ARB2A: variants seen among roughly 807,000 people sequenced by gnomAD.
ARB2A encodes the protein ARB2 cotranscriptional regulator A, also known as cotranscriptional regulator ARB2A.
chr5:94,081,033 A>G, the ARB2A span, among the ~76,000 whole-genome samples: 2 of 152,224 alleles, frequency 1.3e-5, no homozygotes, highest in African/African-American at 2.4e-5. Flanking sequence ...GGCAGATTAT[A>G]TAAGTATACA....
At chr5:93,917,371 AG>A in the ARB2A span, among the ~76,000 whole-genome samples, 1 of 152,200 alleles carries the variant, frequency 6.6e-6, no homozygotes, top group Non-Finnish European at 1.5e-5. Flanking sequence ...TCACATAGCT[AG>A]TAGGAGACAA....
At chr5:93,884,443 G>A in the ARB2A span, among the ~76,000 whole-genome samples, 77 of 151,640 alleles carry the variant, frequency 5.1e-4, no homozygotes, top group Non-Finnish European at 7.8e-4. Context: ...AAAATTACAT[G>A]ACTCATCTGT....
chr5:94,026,522 G>A, the ARB2A span, among the ~76,000 whole-genome samples: 1 of 152,124 alleles, frequency 6.6e-6, no homozygotes, highest in Non-Finnish European at 1.5e-5. Flanking sequence ...CAGAATGGGG[G>A]AATGTGTGCT....
the ARB2A span, among the ~76,000 whole-genome samples, chr5:93,742,165 C>T: frequency 2.0e-5 from 3 of 152,110 alleles, no homozygotes; most frequent in Non-Finnish European, 2.9e-5. Context: ...ACCCCACCCC[C>T]AAACTGCCAG....
chr5:94,073,240 C>A, the ARB2A span, among the ~76,000 whole-genome samples: 1 of 152,032 alleles, frequency 6.6e-6, no homozygotes, highest in Non-Finnish European at 1.5e-5. Flanking sequence ...TATGCATTTG[C>A]CATTTTATTT....
At chr5:93,901,223 T>A in the ARB2A span, among the ~76,000 whole-genome samples, 1 of 152,214 alleles carries the variant, frequency 6.6e-6, no homozygotes, top group African/African-American at 2.4e-5. Context: ...CAAAATTTTT[T>A]AAAATAATGT....
chr5:93,730,672 A>G, the ARB2A span, among the ~76,000 whole-genome samples: 7 of 152,332 alleles, frequency 4.6e-5, no homozygotes, highest in African/African-American at 1.4e-4. Context: ...CTGACTGTTC[A>G]GTACATTAGC....
the ARB2A span, among the ~76,000 whole-genome samples, chr5:93,844,132 C>A: frequency 4.3e-4 from 60 of 140,612 alleles, no homozygotes; most frequent in East Asian, 7.3e-3. Flanking sequence ...AAAAAAAAAA[C>A]AAAAAAAAAA....
the ARB2A span, among the ~76,000 whole-genome samples, chr5:93,655,958 T>C: frequency 3.3e-5 from 5 of 152,216 alleles, no homozygotes; most frequent in Non-Finnish European, 4.4e-5. Flanking sequence ...CACTAGCTTG[T>C]ATCTTGGCTC....
At chr5:93,652,227 A>G in the ARB2A span, among the ~76,000 whole-genome samples, 1 of 152,202 alleles carries the variant, frequency 6.6e-6, no homozygotes, top group African/African-American at 2.4e-5. Context: ...TAAATAAATT[A>G]GTCTTCAATT....
chr5:93,717,928 G>A, the ARB2A span, among the ~76,000 whole-genome samples: 7 of 150,064 alleles, frequency 4.7e-5, no homozygotes, highest in South Asian at 2.1e-4. Flanking sequence ...TCCACCTCCC[G>A]GATTCAAGCG....
chr5:93,754,492 T>C, the ARB2A span, among the ~76,000 whole-genome samples: 31 of 152,182 alleles, frequency 2.0e-4, no homozygotes, highest in Non-Finnish European at 4.1e-4. Flanking sequence ...TGAAAGTACA[T>C]AAGCCTTAGC....
chr5:94,032,123 G>A, the ARB2A span, among the ~76,000 whole-genome samples: 9 of 152,176 alleles, frequency 5.9e-5, no homozygotes, highest in Non-Finnish European at 1.2e-4. Context: ...GGAGTGACAG[G>A]TACAAAGCTG....
the ARB2A span, chr5:94,050,873 ATT>A: frequency 9.1e-6 from 12 of 1,316,072 alleles, no homozygotes; most frequent in Non-Finnish European, 1.2e-5. Context: ...TTCAAAGTAT[ATT>A]GACAATAATA....
the ARB2A span, among the ~76,000 whole-genome samples, chr5:93,777,791 T>TG: frequency 1.3e-5 from 2 of 152,324 alleles, no homozygotes; most frequent in East Asian, 1.9e-4. Flanking sequence ...TGGAAGAAGA[T>TG]GTCAGCTGTG....
chr5:93,964,517 T>C, the ARB2A span: 5 of 1,579,490 alleles, frequency 3.2e-6, no homozygotes, highest in Non-Finnish European at 4.3e-6. Flanking sequence ...ACATACTTCG[T>C]GATGATCTAA....
At chr5:94,080,678 G>C in the ARB2A span, among the ~76,000 whole-genome samples, 1 of 152,114 alleles carries the variant, frequency 6.6e-6, no homozygotes, top group Non-Finnish European at 1.5e-5. Context: ...GTGGTAATAT[G>C]AAGGCCCAGC....
At chr5:93,794,631 C>T in the ARB2A span, among the ~76,000 whole-genome samples, 5 of 152,128 alleles carry the variant, frequency 3.3e-5, no homozygotes, top group Admixed American at 1.3e-4. Context: ...GGTGTTCTCC[C>T]GCTTCCCCTA....
the ARB2A span, chr5:93,741,459 C>T: frequency 1.2e-6 from 2 of 1,613,528 alleles, no homozygotes; most frequent in Non-Finnish European, 1.7e-6. Context: ...CCTGGGTGCT[C>T]AACCAGGTCA....
Sources: allele counts gnomAD v4.1 joint callset (sites outside exome capture counted in the v4.1 genomes callset), GRCh38; gene constraint gnomAD v4.1.1; transcripts MANE v1.5; gene names NCBI Gene and HGNC (gene_info 2026-07-23, HGNC 2026-07-21).